CNTN1: variants seen among roughly 807,000 people sequenced by gnomAD.
The protein encoded by CNTN1 is contactin-1.
Under a neutral mutation model 126.4 loss-of-function variants are expected in CNTN1, and 38 were observed. The observed-to-expected ratio is 0.30, with a 90% CI of 0.23 to 0.39. The LOEUF (loss-of-function observed/expected upper bound fraction) is 0.39, where lower values mean the gene tolerates loss of function less well. Ranked by LOEUF, CNTN1 falls within the 10% of genes least tolerant of loss-of-function variation. The pLI is 1.00. For missense variants in CNTN1, 1,009 were observed against 1,248.4 expected (o/e 0.81, Z 2.89); for synonymous variants, 413 against 422.6 (o/e 0.98, Z 0.28).
chr12:40,836,128 A>G (rs61913941), intron 1 of CNTN1, among the ~76,000 whole-genome samples: 43,784 of 145,908 alleles, frequency 0.3, 7,495 homozygotes, highest in East Asian at 0.55. Flanking sequence ...ATATATACGT[A>G]CATATACAGG....
intron 1 of CNTN1, among the ~76,000 whole-genome samples, chr12:40,740,129 G>A (rs1937873338): frequency 6.6e-6 from 1 of 151,954 alleles, no homozygotes; most frequent in Non-Finnish European, 1.5e-5. Flanking sequence ...GAAAAATAAA[G>A]GGTAGATAAC....
At chr12:40,995,316 C>G (rs1181567139) in intron 17 of CNTN1, among the ~76,000 whole-genome samples, 2 of 152,074 alleles carry the variant, frequency 1.3e-5, no homozygotes, top group East Asian at 3.9e-4. Context: ...TAATGGAACT[C>G]TGCCATTCAT....
At chr12:41,031,560 T>C (rs1405294319) in intron 23 of CNTN1, among the ~76,000 whole-genome samples, 1 of 152,192 alleles carries the variant, frequency 6.6e-6, no homozygotes, top group African/African-American at 2.4e-5. Flanking sequence ...AATTTAACAA[T>C]TGGATTTCAG....
At chr12:41,056,864 T>A (rs573861948) in intron 23 of CNTN1, among the ~76,000 whole-genome samples, 20 of 146,450 alleles carry the variant, frequency 1.4e-4, no homozygotes, top group African/African-American at 4.9e-4. Flanking sequence ...TTTATTATAT[T>A]ATAAATATTT....
intron 1 of CNTN1, among the ~76,000 whole-genome samples, chr12:40,830,330 T>C (rs1941766492): frequency 6.6e-6 from 1 of 152,058 alleles, no homozygotes; most frequent in Non-Finnish European, 1.5e-5. Context: ...GTTTGGTATA[T>C]ATGAGGCACC....
At chr12:40,927,092 G>C (rs1945722594) in intron 6 of CNTN1, among the ~76,000 whole-genome samples, 1 of 151,930 alleles carries the variant, frequency 6.6e-6, no homozygotes, top group Non-Finnish European at 1.5e-5. Flanking sequence ...AAAACTATGG[G>C]ACTGCAATGT....
intron 7 of CNTN1, among the ~76,000 whole-genome samples, chr12:40,932,315 T>A (rs1945916233): frequency 6.6e-6 from 1 of 151,790 alleles, no homozygotes; most frequent in Admixed American, 6.6e-5. Context: ...TAAAGGGGAG[T>A]TCCCCTGCAC....
chr12:40,930,836 G>T (rs1945857583), intron 7 of CNTN1, among the ~76,000 whole-genome samples: 1 of 151,750 alleles, frequency 6.6e-6, no homozygotes, highest in South Asian at 2.1e-4. Flanking sequence ...CACATAATTG[G>T]TATTCAAAAA....
intron 1 of CNTN1, among the ~76,000 whole-genome samples, chr12:40,895,769 T>G (rs1479460522): frequency 6.7e-6 from 1 of 150,018 alleles, no homozygotes; most frequent in Non-Finnish European, 1.5e-5. Context: ...TTTTTTTTTT[T>G]TTTTTTGAGA....
At chr12:40,708,373 T>A (rs1941823146) in intron 1 of CNTN1, among the ~76,000 whole-genome samples, 1 of 152,244 alleles carries the variant, frequency 6.6e-6, no homozygotes, top group African/African-American at 2.4e-5. Context: ...TAGCATTATG[T>A]CTAAGAAAAT....
rs776258431 is a variant in CNTN1, at chr12:40,934,065, G to A, written c.985+187G>A. 5.3e-5 allele frequency among the ~76,000 whole-genome samples: 8 copies of A among 152,080 alleles called. No individual in the cohort carries two copies. In the East Asian group the frequency reaches 1.2e-3, roughly 22 times the overall value. On this transcript the variant is annotated intron_variant, in intron 9 of 23. Transcript: ENST00000551295. ...CACAACTATGAGTTATAGAAGTTAC[G>A]AACTTATTACCAGTTGAACCATAGG...
chr12:40,982,769 T>C (rs1418047354), intron 16 of CNTN1, among the ~76,000 whole-genome samples: 1 of 152,074 alleles, frequency 6.6e-6, no homozygotes, highest in Non-Finnish European at 1.5e-5. Context: ...AATTAAAATA[T>C]ATAGTAAGTC....
chr12:41,064,017 T>A (rs1015767574), intron 23 of CNTN1, among the ~76,000 whole-genome samples: 2 of 151,796 alleles, frequency 1.3e-5, no homozygotes, highest in African/African-American at 4.8e-5. Context: ...CTACTAAAAA[T>A]ACAAAAATTA....
In CNTN1 at chr12:41,069,731, T is replaced by G. The variant is rs150652955; in HGVS notation, c.2981-228T>G. ...ATACACATTTGTGATCATATTATTT[T>G]AAATGATTAATCATGTTGTGTAAAC... On this transcript the variant is annotated intron_variant, in intron 23 of 23. Transcript: ENST00000551295. 2.9e-4 allele frequency among the ~76,000 whole-genome samples: 44 copies of G among 152,302 alleles called. 1 individual carries two copies. The East Asian group carries it at 6.8e-3, about 23-fold the overall frequency.
At chr12:40,734,877 A>C (rs1432895204) in intron 1 of CNTN1, among the ~76,000 whole-genome samples, 1 of 152,076 alleles carries the variant, frequency 6.6e-6, no homozygotes, top group East Asian at 1.9e-4. Flanking sequence ...GTGTTTTCTC[A>C]CAAGAAGTAT....
At chr12:40,983,839 T>A (rs946787122) in intron 16 of CNTN1, among the ~76,000 whole-genome samples, 1 of 125,048 alleles carries the variant, frequency 8.0e-6, no homozygotes, top group African/African-American at 3.2e-5. Context: ...TATATGCTAT[T>A]ATAGCATATT....
In CNTN1 at chr12:40,789,925, CTTACT is replaced by C. The variant is rs960315182; in HGVS notation, c.-77+97336_-77+97340del. Among the ~76,000 whole-genome samples the C allele has an allele frequency of 8.5e-5, 13 of 152,112 alleles. 1 individual carries two copies. The highest frequency in any genetic ancestry group is 3.1e-4 in the African/African-American group (13 of 41,496). On this transcript the variant is annotated intron_variant, in intron 1 of 23. Coordinates refer to ENST00000551295, the MANE Select transcript of CNTN1 (RefSeq NM_001843.4). ...ATATGATGGGAACACGTGGAAGATTCTTACTTTTTAGATTTACACCTTTGATATCT... is the reference window on the plus strand; with the variant it reads ...ATATGATGGGAACACGTGGAAGATTCTTTTAGATTTACACCTTTGATATCT...
At chr12:40,895,716 C>A (rs1489102034) in intron 1 of CNTN1, among the ~76,000 whole-genome samples, 1 of 151,910 alleles carries the variant, frequency 6.6e-6, no homozygotes, top group East Asian at 1.9e-4. Context: ...AACCATAGCA[C>A]CAATGTTAAC....
chr12:40,735,433 A>C (rs982199223), intron 1 of CNTN1, among the ~76,000 whole-genome samples: 1 of 152,138 alleles, frequency 6.6e-6, no homozygotes, highest in African/African-American at 2.4e-5. Flanking sequence ...CCCACGGAAA[A>C]ATCACCTATA....
Sources: gnomAD v4.1 joint callset for allele counts (sites outside exome capture counted in the v4.1 genomes callset) on GRCh38, gnomAD v4.1.1 for gene constraint, MANE v1.5 for transcripts, NCBI Gene and HGNC (gene_info 2026-07-23, HGNC 2026-07-21) for gene names.